The following ATXN7L1 variants were observed in gnomAD, a reference collection of about 807,000 sequenced individuals.
ATXN7L1 encodes the protein ataxin 7 like 1, also known as ataxin-7-like protein 1.
ATXN7L1 carries 15 observed loss-of-function variants against 70.8 expected under a neutral mutation model. The ratio of observed to expected loss-of-function variants is 0.21; its 90% CI spans 0.14 to 0.33. The LOEUF (loss-of-function observed/expected upper bound fraction) is 0.33, where lower values mean the gene tolerates loss of function less well. Among genes scored for constraint, ATXN7L1 ranks in the 10% least tolerant of loss-of-function variants. ATXN7L1 has a pLI of 1.00. For missense variants in ATXN7L1, 975 were observed against 1,097.1 expected, an observed-to-expected ratio of 0.89 and a Z score of 1.57; for synonymous variants, 440 against 445.1, an observed-to-expected ratio of 0.99 and a Z score of 0.14.
intron 3 of ATXN7L1, among the ~76,000 whole-genome samples, chr7:105,679,831 G>A (rs945103727): frequency 2.6e-5 from 4 of 151,964 alleles, no homozygotes; most frequent in African/African-American, 7.3e-5. Flanking sequence ...CTTCTTTAGG[G>A]GTGATGGTTG....
At chr7:105,733,874 CCA>C (rs1797058281) in intron 3 of ATXN7L1, among the ~76,000 whole-genome samples, 2 of 144,082 alleles carry the variant, frequency 1.4e-5, no homozygotes, top group Non-Finnish European at 3.1e-5. Context: ...ATCCATCCAT[CCA>C]TCCATCATCC....
chr7:105,740,258 G>A (rs1797850631), intron 3 of ATXN7L1, among the ~76,000 whole-genome samples: 1 of 152,162 alleles, frequency 6.6e-6, no homozygotes, highest in South Asian at 2.1e-4. Flanking sequence ...GAACCCAAGG[G>A]GCAGCTGATC....
At chr7:105,724,379 G>A (rs1795549194) in intron 3 of ATXN7L1, among the ~76,000 whole-genome samples, 1 of 151,194 alleles carries the variant, frequency 6.6e-6, no homozygotes, top group South Asian at 2.1e-4. Flanking sequence ...TTTGAGACCA[G>A]TCTGGCCAAC....
At chr7:105,611,453 C>A (rs1189404224) in intron 10 of ATXN7L1, among the ~76,000 whole-genome samples, 2 of 152,224 alleles carry the variant, frequency 1.3e-5, no homozygotes, top group East Asian at 3.8e-4. Flanking sequence ...CTCATTGCAA[C>A]CTCTGCCTCT....
At chr7:105,875,571 G>A (rs1433409135) in intron 2 of ATXN7L1, among the ~76,000 whole-genome samples, 7 of 151,124 alleles carry the variant, frequency 4.6e-5, no homozygotes, top group Non-Finnish European at 4.4e-5. Flanking sequence ...AGGTTCAAAC[G>A]TGGAGTCCAA....
intron 3 of ATXN7L1, among the ~76,000 whole-genome samples, chr7:105,669,140 C>T (rs1458671523): frequency 6.6e-6 from 1 of 152,082 alleles, no homozygotes; most frequent in Non-Finnish European, 1.5e-5. Flanking sequence ...TAGAGTCCAG[C>T]GGCGTGATCT....
At chr7:105,722,803 C>G (rs569104702) in intron 3 of ATXN7L1, among the ~76,000 whole-genome samples, 7 of 151,164 alleles carry the variant, frequency 4.6e-5, no homozygotes, top group Non-Finnish European at 8.8e-5. Context: ...AGGAATTGCT[C>G]GAACCAGGGA....
At chr7:105,796,403 G>A (rs1322868834) in intron 2 of ATXN7L1, among the ~76,000 whole-genome samples, 1 of 152,104 alleles carries the variant, frequency 6.6e-6, no homozygotes, top group Non-Finnish European at 1.5e-5. Context: ...TCTGCTCACT[G>A]GGAGGTAACT....
chr7:105,671,459 C>T (rs1803671061), intron 3 of ATXN7L1, among the ~76,000 whole-genome samples: 1 of 152,138 alleles, frequency 6.6e-6, no homozygotes, highest in Non-Finnish European at 1.5e-5. Flanking sequence ...CACTCACCTA[C>T]TTTAGGAAAA....
intron 2 of ATXN7L1, among the ~76,000 whole-genome samples, chr7:105,820,871 T>C (rs1691111503): frequency 6.6e-6 from 1 of 152,152 alleles, no homozygotes; most frequent in Non-Finnish European, 1.5e-5. Flanking sequence ...GGACCTACCC[T>C]CCACCCCCTT....
At chr7:105,709,789 A>G (rs1793651331) in intron 3 of ATXN7L1, among the ~76,000 whole-genome samples, 1 of 151,972 alleles carries the variant, frequency 6.6e-6, no homozygotes, top group Non-Finnish European at 1.5e-5. Context: ...TCTCTTGGGA[A>G]GTGTGAATAA....
At chr7:105,622,455 CCAGCAG>C (rs1395813707) in intron 8 of ATXN7L1, among the ~76,000 whole-genome samples, 4 of 152,238 alleles carry the variant, frequency 2.6e-5, no homozygotes, top group African/African-American at 9.6e-5. Flanking sequence ...TGTTACGCCT[CCAGCAG>C]AGCTGTAGAT....
At chr7:105,794,116 C>T (rs1805659187) in intron 2 of ATXN7L1, among the ~76,000 whole-genome samples, 1 of 152,078 alleles carries the variant, frequency 6.6e-6, no homozygotes, top group South Asian at 2.1e-4. Flanking sequence ...TTAAAAAATG[C>T]TCATTCAGCT....
chr7:105,674,739 C>T (rs1804348168), intron 3 of ATXN7L1, among the ~76,000 whole-genome samples: 1 of 152,178 alleles, frequency 6.6e-6, no homozygotes. Context: ...TTTAACTTTT[C>T]CCCTGTGGTG....
chr7:105,639,455 G>C (rs1273584354), intron 6 of ATXN7L1, 32 bp downstream of exon 6: 12 of 1,514,606 alleles, frequency 7.9e-6, no homozygotes, highest in East Asian at 2.5e-5. Context: ...CCCAGCGAGA[G>C]CAGGAAGTAT....
chr7:105,797,270 C>G (rs77927969), intron 2 of ATXN7L1, among the ~76,000 whole-genome samples: 9,740 of 152,284 alleles, frequency 0.064, 1,037 homozygotes, highest in African/African-American at 0.22. Context: ...CAGGTCAGTG[C>G]TGAGAAACAC....
chr7:105,838,619 C>T (rs921677972), intron 2 of ATXN7L1, among the ~76,000 whole-genome samples: 2 of 152,168 alleles, frequency 1.3e-5, no homozygotes, highest in African/African-American at 4.8e-5. Context: ...CTCTGTCCCA[C>T]CTGGATCAGC....
chr7:105,703,144 C>A (rs912636880), intron 3 of ATXN7L1, among the ~76,000 whole-genome samples: 9 of 150,958 alleles, frequency 6.0e-5, no homozygotes, highest in African/African-American at 1.5e-4. Context: ...AAACAAAAAA[C>A]CCCCAAAAAA....
intron 3 of ATXN7L1, among the ~76,000 whole-genome samples, chr7:105,757,731 C>T (rs997043125): frequency 6.7e-6 from 1 of 150,082 alleles, no homozygotes; most frequent in African/African-American, 2.5e-5. Flanking sequence ...TACAGGCATG[C>T]AAAACCCCGC....
Sources: allele counts gnomAD v4.1 joint callset (sites outside exome capture counted in the v4.1 genomes callset), GRCh38; gene constraint gnomAD v4.1.1; transcripts MANE v1.5; gene names NCBI Gene and HGNC (gene_info 2026-07-23, HGNC 2026-07-21).